The following PPP1R3F variants were observed in gnomAD, a reference collection of about 807,000 sequenced individuals.
PPP1R3F encodes protein phosphatase 1 regulatory subunit 3F, also known as protein phosphatase 1, regulatory (inhibitor) subunit 3F.
Under a neutral mutation model 24.2 loss-of-function variants are expected in PPP1R3F, and 29 were observed. The observed-to-expected ratio is 1.20, with a 90% CI of 0.89 to 1.63. PPP1R3F has a LOEUF of 1.63. PPP1R3F is among the 40% of genes most tolerant of loss of function. PPP1R3F has a pLI of 0.00. For missense variants in PPP1R3F, 823 were observed against 729.3 expected (o/e 1.13, Z -1.48); for synonymous variants, 363 against 340.1 (o/e 1.07, Z -0.74).
intron 3 of PPP1R3F, among the ~76,000 whole-genome samples, chrX:49,295,272 T>C (rs1403417207): frequency 9.0e-6 from 1 of 111,105 alleles, no homozygotes; most frequent in Non-Finnish European, 1.9e-5. Context: ...GCCTCCCAAG[T>C]AGCTGGGACT....
At chrX:49,289,713 A>G (rs1432389621), downstream of PPP1R3F, among the ~76,000 whole-genome samples, 2 of 111,442 alleles carry the variant, frequency 1.8e-5, no homozygotes, top group African/African-American at 3.3e-5. Context: ...GGATGTCAAT[A>G]ATGGTTCACT....
At position 49,270,374 on chromosome X, in the gene PPP1R3F, C is replaced by T. The variant is rs1557118801; in HGVS notation, c.505C>T (p.Arg169Cys). The T allele has an allele frequency of 8.6e-7, 1 of 1,160,146 alleles. No individual in the cohort carries two copies. Among genetic ancestry groups the T allele is most frequent in the Non-Finnish European group, 1.1e-6 (1 of 875,483 alleles). The change falls in exon 1 of 4, where the codon CGC becomes TGC. Residue 169 changes from arginine to cysteine, a missense_variant. Coordinates refer to ENST00000055335, the MANE Select transcript of PPP1R3F (RefSeq NM_033215.5). ...CCCGCCGGTGCTGCGCGGGTTGGTA[C>T]GCGTGCTGAACCGCTCCTTCGAGAA... ...GRPPVLRGLV[R>C]VLNRSFEKAV... is the part of the protein sequence containing the mutation.
rs1557121737 is a variant in PPP1R3F, at chrX:49,286,902, C to T, written c.2212C>T (p.Pro738Ser). ...DEKDAGPSLEPPKKSPTLAVP... is the reference protein window; with the variant it reads ...DEKDAGPSLESPKKSPTLAVP... ...AAAGGATGCAGGCCCAAGCCTTGAA[C>T]CCCCAAAGAAGTCTCCCACCCTAGC... Residue 738 changes from proline (P) to serine (S), a missense_variant, in exon 4 of 4, where the codon CCC becomes TCC. Transcript: ENST00000055335. 2 of 1,195,946 alleles carry T rather than the reference C, an allele frequency of 1.7e-6. No homozygotes were observed. Among genetic ancestry groups the T allele is most frequent in the South Asian group, 1.8e-5 (1 of 54,078 alleles).
chrX:49,285,439 G>T lies in PPP1R3F; in HGVS notation c.1144-395G>T, dbSNP rs185675751. Among the ~76,000 whole-genome samples the T allele has an allele frequency of 1.3e-4, 14 of 111,180 alleles. No individual in the cohort carries two copies. The East Asian group carries it at 3.1e-3, about 25-fold the overall frequency. On this transcript the variant is annotated intron_variant, in intron 3 of 3. Coordinates refer to ENST00000055335, the MANE Select transcript of PPP1R3F (RefSeq NM_033215.5). ...TCGAACTCCTAGTTTCATGTGATCC[G>T]CCCGCCTTGGCTTCCTAAAGTGCTT...
At chrX:49,271,436 G>A (rs1433645187) in intron 1 of PPP1R3F, among the ~76,000 whole-genome samples, 4 of 112,662 alleles carry the variant, frequency 3.6e-5, no homozygotes, top group Non-Finnish European at 7.5e-5. Flanking sequence ...TGGAACAAGG[G>A]TGTTCTAGGT....
intron 1 of PPP1R3F, among the ~76,000 whole-genome samples, chrX:49,279,127 T>A (rs925024405): frequency 1.8e-5 from 2 of 112,350 alleles, no homozygotes; most frequent in Admixed American, 9.4e-5. Flanking sequence ...CCGTGGCTCA[T>A]GCCTGTAGTA....
chrX:49,297,391 T>C (rs1197010840), intron 3 of PPP1R3F, among the ~76,000 whole-genome samples: 1 of 109,417 alleles, frequency 9.1e-6, no homozygotes, highest in Non-Finnish European at 1.9e-5. Context: ...TTTTTTTGTA[T>C]TTTTAGTAGA....
intron 3 of PPP1R3F, among the ~76,000 whole-genome samples, chrX:49,282,761 TG>T (rs1396555569): frequency 9.2e-6 from 1 of 108,991 alleles, no homozygotes; most frequent in Non-Finnish European, 1.9e-5. Context: ...GAGGACAGAT[TG>T]GGTGGTGCCT....
chrX:49,291,760 A>G, downstream of PPP1R3F, among the ~76,000 whole-genome samples: 1 of 109,513 alleles, frequency 9.1e-6, no homozygotes, highest in Middle Eastern at 4.7e-3. Flanking sequence ...TTCCTGGTCC[A>G]CCTCTCCCTC....
chrX:49,301,250 A>C, intron 3 of PPP1R3F: 1 of 391,105 alleles, frequency 2.6e-6, no homozygotes, highest in Middle Eastern at 4.4e-4. Context: ...TTTTTTGTCT[A>C]TTTAATAAAA....
intron 1 of PPP1R3F, among the ~76,000 whole-genome samples, chrX:49,279,504 C>T (rs1371031397): frequency 2.7e-5 from 3 of 111,364 alleles, no homozygotes; most frequent in Non-Finnish European, 3.8e-5. Flanking sequence ...GCCAACATGG[C>T]GAAACCCCGT....
chrX:49,279,114 G>A (rs2066231671), intron 1 of PPP1R3F, among the ~76,000 whole-genome samples: 1 of 112,220 alleles, frequency 8.9e-6, no homozygotes, highest in African/African-American at 3.2e-5. Context: ...TGTTGCCCAG[G>A]CACCGTGGCT....
At chrX:49,282,165 C>T in intron 3 of PPP1R3F, 102 bp downstream of exon 3, 6 of 607,359 alleles carry the variant, frequency 9.9e-6, no homozygotes, top group Non-Finnish European at 1.6e-5. Flanking sequence ...CTGGGTCCTC[C>T]CTGGGTTGGA....
intron 1 of PPP1R3F, chrX:49,281,011 T>A (rs1557120643): frequency 7.7e-6 from 1 of 129,528 alleles, no homozygotes; most frequent in East Asian, 2.2e-4. Context: ...TGGTATGATA[T>A]GAGTATTAAG....
In PPP1R3F at chrX:49,285,834, G is replaced by T; in HGVS notation, c.1144G>T (p.Val382Phe). ...LRPWPQMTLQ[V>F]SDVPMTGNPA... ...CCCCTTGCCCCGGCCATGGCTCCAGGTTTCTGACGTTCCGATGACTGGCAA... is the reference window on the plus strand; with the variant it reads ...CCCCTTGCCCCGGCCATGGCTCCAGTTTTCTGACGTTCCGATGACTGGCAA... Residue 382 changes from valine to phenylalanine, a missense_variant and splice_region_variant, in exon 4 of 4, where the codon GTT (valine) becomes TTT (phenylalanine). Physicochemically the swap from Val to Phe is conservative, Grantham distance 50 (BLOSUM62 -1). Transcript: ENST00000055335. 8.8e-7 allele frequency: 1 copy of T among 1,138,045 alleles called. No homozygotes were observed. Among genetic ancestry groups the T allele is most frequent in the South Asian group, 2.2e-5 (1 of 45,059 alleles). 93.8% of individuals were successfully genotyped at this position (1,138,045 alleles called of 1,213,427 possible). A position where few individuals can be genotyped will look rare whatever the true frequency, so the allele number is the denominator to read the frequency against.
At chrX:49,280,234 TTTTTGTTTTG>T (rs3060512) in intron 1 of PPP1R3F, among the ~76,000 whole-genome samples, 2,807 of 106,780 alleles carry the variant, frequency 0.026, 102 homozygotes, top group African/African-American at 0.089. Flanking sequence ...AGAAAAGGTG[TTTTTGTTTTG>T]TTTTGTTTTG....
chrX:49,274,813 A>G (rs1325154044), intron 1 of PPP1R3F: 1 of 111,525 alleles, frequency 9.0e-6, no homozygotes, highest in African/African-American at 3.3e-5. Flanking sequence ...AACAGAAGCC[A>G]TAAGAATGGA....
At chrX:49,294,895 C>T (rs1345982690) in intron 3 of PPP1R3F, among the ~76,000 whole-genome samples, 3 of 86,491 alleles carry the variant, frequency 3.5e-5, no homozygotes, top group African/African-American at 4.7e-5. Context: ...GGCAACAGAG[C>T]GAGAATATGT....
At chrX:49,283,943 C>T (rs1449130710) in intron 3 of PPP1R3F, among the ~76,000 whole-genome samples, 2 of 111,615 alleles carry the variant, frequency 1.8e-5, no homozygotes, top group African/African-American at 3.3e-5. Flanking sequence ...AACTGTCCCA[C>T]ACCAGCTATT....
Sources: gnomAD v4.1 joint callset for allele counts (sites outside exome capture counted in the v4.1 genomes callset) on GRCh38, gnomAD v4.1.1 for gene constraint, MANE v1.5 for transcripts, NCBI Gene and HGNC (gene_info 2026-07-23, HGNC 2026-07-21) for gene names.